Variants in PRPF8 observed in about 807,000 individuals in gnomAD.
PRPF8 encodes the protein pre-mRNA-processing-splicing factor 8.
In PRPF8, 64 loss-of-function variants were observed where a neutral mutation model predicts 285.9. The ratio of observed to expected loss-of-function variants is 0.22; its 90% CI spans 0.18 to 0.28. The LOEUF (loss-of-function observed/expected upper bound fraction) is 0.28, where lower values mean the gene tolerates loss of function less well. Ranked by LOEUF, PRPF8 falls within the 10% of genes least tolerant of loss-of-function variation. PRPF8 has a pLI of 1.00. For missense variants in PRPF8, 1,426 were observed against 3,026.7 expected (o/e 0.47, Z 12.41); for synonymous variants, 1,325 against 1,118.2 (o/e 1.18, Z -3.69).
intron 24 of PRPF8, among the ~76,000 whole-genome samples, chr17:1,666,552 A>G (rs28619088): frequency 1.3e-4 from 17 of 128,244 alleles, no homozygotes; most frequent in East Asian, 1.0e-3. Context: ...ATCTCAAAAA[A>G]AAAAAAAATC....
At chr17:1,678,718 C>T in intron 12 of PRPF8, 44 bp downstream of exon 12, 2 of 1,614,130 alleles carry the variant, frequency 1.2e-6, no homozygotes, top group Non-Finnish European at 1.7e-6. Flanking sequence ...CAGGCTTCCT[C>T]CAGCGTCCTC....
In PRPF8 at chr17:1,660,685, C is replaced by A. The variant is rs972783528; in HGVS notation, c.4638+13G>T. 2 of 1,614,186 alleles carry A rather than the reference C, an allele frequency of 1.2e-6. No individual in the cohort carries two copies. Among genetic ancestry groups the A allele is most frequent in the Non-Finnish European group, 1.7e-6 (2 of 1,180,038 alleles). On this transcript the variant is annotated intron_variant, in intron 29 of 42. Transcript: ENST00000304992. Reference sequence around the variant, plus strand: ...GTCTTTAGCTTCCCCTCTCCAGTGTCAATCACACTCACATTGGCTCGATTA... The same window carrying A: ...GTCTTTAGCTTCCCCTCTCCAGTGTAAATCACACTCACATTGGCTCGATTA...
chr17:1,654,377 T>C (rs1195020594), intron 37 of PRPF8: 1 of 415,506 alleles, frequency 2.4e-6, no homozygotes, highest in Admixed American at 3.7e-5. Flanking sequence ...CTATGGATAA[T>C]TTTGGTTGCC....
chr17:1,676,856 C>G lies in PRPF8; in HGVS notation c.2181+120G>C, dbSNP rs1205632246. 7.4e-6 allele frequency: 11 copies of G among 1,489,178 alleles called. No homozygotes were observed. The highest frequency in any genetic ancestry group is 1.0e-5 in the Non-Finnish European group (11 of 1,078,342). 92.2% of individuals were successfully genotyped at this position (1,489,178 alleles called of 1,614,324 possible). ...CCTAAGCAACATGGTGCTTCTTTTCCCTGTCTAAAAGGGAAAAGAAAAGAG... is the reference window on the plus strand; with the variant it reads ...CCTAAGCAACATGGTGCTTCTTTTCGCTGTCTAAAAGGGAAAAGAAAAGAG... On this transcript the variant is annotated intron_variant, in intron 15 of 42. Transcript: ENST00000304992. This position sits in a 1 kb window ranked among gnomAD's most constrained non-coding sequence, Gnocchi z 6.3.
intron 21 of PRPF8, 150 bp from the exon 22 acceptor site, chr17:1,674,042 T>C: frequency 1.0e-6 from 1 of 973,300 alleles, no homozygotes; most frequent in South Asian, 1.5e-5. Context: ...TATTTATTTT[T>C]TGAGACAGTC....
intron 24 of PRPF8, among the ~76,000 whole-genome samples, chr17:1,666,724 C>T (rs1300833681): frequency 2.0e-5 from 3 of 151,950 alleles, no homozygotes; most frequent in Admixed American, 6.6e-5. Context: ...TGAAAGAGTG[C>T]GTTGGCTGGA....
chr17:1,665,209 G>C (rs571866729), intron 24 of PRPF8, among the ~76,000 whole-genome samples: 182 of 148,786 alleles, frequency 1.2e-3, no homozygotes, highest in Non-Finnish European at 2.1e-3. Context: ...GCAATGCTGA[G>C]AGGAAAATTT....
chr17:1,662,272 T>G, intron 24 of PRPF8, 119 bp from the exon 25 acceptor site: 3 of 1,148,604 alleles, frequency 2.6e-6, no homozygotes, highest in Non-Finnish European at 3.8e-6. Flanking sequence ...TCAACATCAT[T>G]AGTCACTAGG....
rs757320987 is a variant in PRPF8, at chr17:1,661,286, G to A, written c.4323C>T (p.Asp1441=). 6 of 1,614,174 alleles carry A rather than the reference G, an allele frequency of 3.7e-6. No homozygotes were observed. The highest frequency in any genetic ancestry group is 5.1e-6 in the Non-Finnish European group (6 of 1,180,030). ...CTCTACATACCTGATACTGCTTAAA[G>A]TCAGTTCTGACACGCCAGCCCTTAT... The part of the protein sequence containing the change: ...AYDKGWRVRT[D]FKQYQVLKQN... Residue 1441 remains aspartate, a synonymous_variant, in exon 27 of 43, where the codon GAC becomes GAT. Coordinates refer to ENST00000304992, the MANE Select transcript of PRPF8 (RefSeq NM_006445.4). The surrounding 1 kb of genome is among the most constrained non-coding windows in gnomAD (Gnocchi z 7.3).
In PRPF8 at chr17:1,676,771, G is replaced by A. The variant is rs576632225; in HGVS notation, c.2182-60C>T. ...CAGCCAGGCACTGTGGCACACATCT[G>A]TAGTCCCGGCTACTCAGGAGGCTAA... On this transcript the variant is annotated intron_variant, in intron 15 of 42. Coordinates refer to ENST00000304992, the MANE Select transcript of PRPF8 (RefSeq NM_006445.4). This position sits in a 1 kb window ranked among gnomAD's most constrained non-coding sequence, Gnocchi z 6.3. 19 of 1,585,086 alleles carry A rather than the reference G, an allele frequency of 1.2e-5. No individual in the cohort carries two copies. The East Asian group carries it at 4.0e-4, about 34-fold the overall frequency.
chr17:1,684,640 G>A (rs1381260392), intron 1 of PRPF8, 58 bp from the exon 2 acceptor site: 18 of 1,525,054 alleles, frequency 1.2e-5, no homozygotes, highest in Non-Finnish European at 1.5e-5. Flanking sequence ...CACAAGAAGC[G>A]CAGCAGAAAG....
At chr17:1,667,538 CTTTTT>C (rs34888623) in intron 24 of PRPF8, among the ~76,000 whole-genome samples, 1 of 102,046 alleles carries the variant, frequency 9.8e-6, no homozygotes, top group Admixed American at 1.1e-4. Flanking sequence ...CATGACATAG[CTTTTT>C]TTTTTTTTTT....
chr17:1,653,590 G>A lies in PRPF8; in HGVS notation c.6321C>T (p.Pro2107=), dbSNP rs1029475909. 3.7e-6 allele frequency: 6 copies of A among 1,614,166 alleles called. No homozygotes were observed. Among genetic ancestry groups the A allele is most frequent in the Admixed American group, 1.7e-5 (1 of 60,016 alleles). The change falls in exon 39 of 43, where the codon CCC becomes CCT. Residue 2107 remains proline, a synonymous_variant. Transcript: ENST00000304992. This position sits in a 1 kb window ranked among gnomAD's most constrained non-coding sequence, Gnocchi z 4.9. ...AGATGAACTTCTTAAGCACATTCTT[G>A]GGAAGGATGTAGGTGTAGCCAGTCT... ...IKETGYTYIL[P]KNVLKKFICI...
intron 11 of PRPF8, 47 bp downstream of exon 11, chr17:1,678,970 T>G (rs759193560): frequency 2.5e-6 from 4 of 1,613,700 alleles, no homozygotes; most frequent in South Asian, 1.1e-5. Flanking sequence ...GGAAAACAAC[T>G]GTCCGTCCTT....
chr17:1,664,829 T>C (rs568201311), intron 24 of PRPF8, among the ~76,000 whole-genome samples: 2 of 152,150 alleles, frequency 1.3e-5, no homozygotes, highest in African/African-American at 2.4e-5. Context: ...AATATACTTT[T>C]AACTAAATAA....
At chr17:1,677,542 T>TG (rs1424297729) in intron 14 of PRPF8, 23 bp downstream of exon 14, 1 of 1,613,882 alleles carries the variant, frequency 6.2e-7, no homozygotes, top group Admixed American at 1.7e-5. Context: ...CAGGAGAAGT[T>TG]GGACACAGAG....
intron 24 of PRPF8, among the ~76,000 whole-genome samples, chr17:1,670,648 G>A (rs145949669): frequency 1.3e-3 from 195 of 152,190 alleles, no homozygotes; most frequent in African/African-American, 3.6e-3. Flanking sequence ...CACCACGCCC[G>A]GCTAATTTTC....
Position 1,673,111 on chromosome 17 carries a change from G to A in PRPF8, c.3744C>T (p.Leu1248=), listed in dbSNP as rs767017282. 4.3e-6 allele frequency: 7 copies of A among 1,614,140 alleles called. No individual in the cohort carries two copies. Among genetic ancestry groups the A allele is most frequent in the African/African-American group, 1.3e-5 (1 of 74,944 alleles). ...TGAAGGTGGTGGACCCAGAGGCCATGAGAATCTGACGCACGCGGTTGTGGA... is the reference window on the plus strand; with the variant it reads ...TGAAGGTGGTGGACCCAGAGGCCATAAGAATCTGACGCACGCGGTTGTGGA... ...QRFHNRVRQI[L]MASGSTTFTK... The change falls in exon 24 of 43, where the codon CTC becomes CTT. Residue 1248 remains leucine, a synonymous_variant. Coordinates refer to ENST00000304992, the MANE Select transcript of PRPF8 (RefSeq NM_006445.4). The surrounding 1 kb of genome is among the most constrained non-coding windows in gnomAD (Gnocchi z 5.5).
At chr17:1,665,762 C>T (rs1173820569) in intron 24 of PRPF8, among the ~76,000 whole-genome samples, 1 of 150,326 alleles carries the variant, frequency 6.7e-6, no homozygotes, top group African/African-American at 2.5e-5. Flanking sequence ...AGGAGAATCG[C>T]TTGAACTCAG....
Sources: gnomAD v4.1 joint callset for allele counts (sites outside exome capture counted in the v4.1 genomes callset) on GRCh38, gnomAD v4.1.1 for gene constraint, Gnocchi (gnomAD v3.1) non-coding constraint, MANE v1.5 for transcripts, NCBI Gene and HGNC (gene_info 2026-07-23, HGNC 2026-07-21) for gene names.